The following AFAP1 variants were observed in gnomAD, a reference collection of about 807,000 sequenced individuals.
The protein encoded by AFAP1 is actin filament associated protein 1, also known as actin filament-associated protein 1.
In AFAP1, 75 loss-of-function variants were observed where a neutral mutation model predicts 93.9. The observed-to-expected ratio is 0.80, with a 90% CI of 0.66 to 0.97. The LOEUF is 0.97. Ranked by LOEUF, AFAP1 falls within the 50% of genes least tolerant of loss-of-function variation. The pLI is 0.00. For synonymous variants in AFAP1, 517 were observed against 430.7 expected, an observed-to-expected ratio of 1.20 and a Z score of -2.48; for missense variants, 1,201 against 1,050.8, an observed-to-expected ratio of 1.14 and a Z score of -1.98.
intron 1 of AFAP1, among the ~76,000 whole-genome samples, chr4:7,930,168 A>G (rs1043498901): frequency 2.0e-5 from 3 of 152,204 alleles, no homozygotes; most frequent in Non-Finnish European, 4.4e-5. Flanking sequence ...ATGGTTTATT[A>G]CAAAGAATAG....
intron 1 of AFAP1, among the ~76,000 whole-genome samples, chr4:7,884,585 G>C (rs1343648950): frequency 6.6e-6 from 1 of 152,092 alleles, no homozygotes; most frequent in Admixed American, 6.5e-5. Flanking sequence ...AGAAATATAA[G>C]AAAAATTGTC....
intron 4 of AFAP1, among the ~76,000 whole-genome samples, chr4:7,850,862 G>A (rs1714353533): frequency 6.6e-6 from 1 of 152,224 alleles, no homozygotes; most frequent in African/African-American, 2.4e-5. Context: ...TTGACCTCAT[G>A]GATTATCGTT....
intron 1 of AFAP1, among the ~76,000 whole-genome samples, chr4:7,921,643 C>A (rs537487457): frequency 6.6e-6 from 1 of 152,314 alleles, no homozygotes; most frequent in Admixed American, 6.5e-5. Context: ...ATTTAAAATG[C>A]GCAGAACCTT....
chr4:7,853,343 G>A (rs1714674826), intron 4 of AFAP1, among the ~76,000 whole-genome samples: 2 of 151,932 alleles, frequency 1.3e-5, no homozygotes, highest in African/African-American at 2.4e-5. Flanking sequence ...GATGATTCTG[G>A]GCTAGGGTGG....
At chr4:7,794,498 G>A (rs573469259) in intron 10 of AFAP1, among the ~76,000 whole-genome samples, 55 of 152,004 alleles carry the variant, frequency 3.6e-4, no homozygotes, top group African/African-American at 1.3e-3. Context: ...GATTATGTTC[G>A]TTCAATTTTT....
chr4:7,836,150 A>G (rs1419750990), intron 6 of AFAP1, among the ~76,000 whole-genome samples: 1 of 152,236 alleles, frequency 6.6e-6, no homozygotes, highest in Non-Finnish European at 1.5e-5. Flanking sequence ...AACACTGTAA[A>G]CTTCTCAGAA....
At chr4:7,894,550 G>T (rs539467171) in intron 1 of AFAP1, among the ~76,000 whole-genome samples, 1 of 152,170 alleles carries the variant, frequency 6.6e-6, no homozygotes, top group Non-Finnish European at 1.5e-5. Context: ...AGGCCAGCCC[G>T]CTTTGTGAAG....
At chr4:7,918,964 G>GCCAGAAGAGACAC (rs1560236323) in intron 1 of AFAP1, among the ~76,000 whole-genome samples, 191 of 142,124 alleles carry the variant, frequency 1.3e-3, no homozygotes, top group African/African-American at 2.2e-3. Context: ...AAACAGGGCT[G>GCCAGAAGAGACAC]TTGGAAGAGA....
chr4:7,787,006 G>A (rs368620622), intron 11 of AFAP1, among the ~76,000 whole-genome samples: 3 of 152,198 alleles, frequency 2.0e-5, no homozygotes, highest in Admixed American at 6.5e-5. Context: ...ACAGCGGCCC[G>A]AGAAATCCTT....
rs1577175417 is a variant in AFAP1, at chr4:7,768,842, A to C, written c.2418+2T>G. On this transcript the variant is annotated splice_donor_variant, in intron 17 of 17. Coordinates refer to ENST00000420658, the MANE Select transcript of AFAP1 (RefSeq NM_001134647.2). LOFTEE classifies it high-confidence loss of function. The stretch of plus-strand genomic sequence containing the variant: ...CAGACACCCCCGGACATCAGGGCTT[A>C]CCTTGGCCTTCCGCAGCACATGCCC... The C allele has an allele frequency of 1.3e-6, 2 of 1,590,742 alleles. No homozygotes were observed. Among genetic ancestry groups the C allele is most frequent in the Non-Finnish European group, 1.7e-6 (2 of 1,164,054 alleles).
In AFAP1 at chr4:7,853,366, T is replaced by A. The variant is rs566819580; in HGVS notation, c.334+2100A>T. On this transcript the variant is annotated intron_variant, in intron 4 of 17. Coordinates refer to ENST00000420658, the MANE Select transcript of AFAP1 (RefSeq NM_001134647.2). ...TGGGCTAGGGTGGCCCTGAGAGAAA[T>A]CTGGGAGTGATAGGGCAGAGGGGAG... 1.4e-4 allele frequency among the ~76,000 whole-genome samples: 22 copies of A among 152,180 alleles called. 1 individual carries two copies. Among genetic ancestry groups the A allele is most frequent in the Non-Finnish European group, 2.4e-4 (16 of 68,010 alleles).
At position 7,768,952 on chromosome 4, in the gene AFAP1, G is replaced by A. The variant is rs1715013603; in HGVS notation, c.2310C>T (p.Thr770=). ...LENSPISSCD[T]SDTEGPVPVN... The stretch of plus-strand genomic sequence containing the variant: ...CCGGCACGGGGCCCTCGGTGTCACT[G>A]GTGTCACAGCTGGAGATGGGCGAGT... The change falls in exon 17 of 18, where the codon ACC becomes ACT. Residue 770 remains threonine (T), a synonymous_variant. Transcript: ENST00000420658. 9.3e-6 allele frequency: 15 copies of A among 1,613,900 alleles called. No homozygotes were observed. The highest frequency in any genetic ancestry group is 2.2e-5 in the East Asian group (1 of 44,870).
intron 1 of AFAP1, among the ~76,000 whole-genome samples, chr4:7,898,553 G>C (rs1398181366): frequency 1.3e-5 from 2 of 151,690 alleles, no homozygotes; most frequent in African/African-American, 2.4e-5. Context: ...TGAAATGTTT[G>C]GGCAATCTGA....
chr4:7,928,628 C>T (rs1462826947), intron 1 of AFAP1, among the ~76,000 whole-genome samples: 4 of 152,190 alleles, frequency 2.6e-5, no homozygotes, highest in South Asian at 2.1e-4. Context: ...CCTCATGATT[C>T]GCCCACCTTG....
At chr4:7,819,934 A>T (rs1720816255) in intron 6 of AFAP1, among the ~76,000 whole-genome samples, 2 of 152,230 alleles carry the variant, frequency 1.3e-5, no homozygotes, top group Admixed American at 1.3e-4. Context: ...TACCTTCTGA[A>T]GGTTAAATGC....
chr4:7,836,074 A>AC (rs1712265356), intron 6 of AFAP1, among the ~76,000 whole-genome samples: 1 of 152,124 alleles, frequency 6.6e-6, no homozygotes, highest in African/African-American at 2.4e-5. Context: ...ATGAAGTTGG[A>AC]CCCCTACTTC....
chr4:7,819,315 C>T (rs1720761655), intron 6 of AFAP1, 144 bp from the exon 7 acceptor site: 1 of 645,518 alleles, frequency 1.5e-6, no homozygotes, highest in Admixed American at 3.5e-5. Context: ...TCCAGCGTGC[C>T]AGGTACTCAT....
rs1560149375 is a variant in AFAP1, at chr4:7,774,829, GCTC to G, written c.1969_1971del (p.Glu657del). 2 of 1,614,192 alleles carry G rather than the reference GCTC, an allele frequency of 1.2e-6. No individual in the cohort carries two copies. Among genetic ancestry groups the G allele is most frequent in the Non-Finnish European group, 1.7e-6 (2 of 1,180,046 alleles). ...CGCAGGGCCTCTTTCCTCTTCAGCA[GCTC>G]CTCCTCTTTGGTCTGTAGCCGCTTG... is the stretch of plus-strand genomic sequence containing the variant. On this transcript the variant is annotated inframe_deletion, in exon 15 of 18. Transcript: ENST00000420658.
intron 6 of AFAP1, among the ~76,000 whole-genome samples, chr4:7,822,590 T>TTTC (rs1721066990): frequency 1.1e-5 from 1 of 92,978 alleles, no homozygotes; most frequent in South Asian, 2.8e-4. Context: ...TTTTTTCTTT[T>TTTC]TTTTTTTTTT....
Sources: allele counts gnomAD v4.1 joint callset (sites outside exome capture counted in the v4.1 genomes callset), GRCh38; gene constraint gnomAD v4.1.1; transcripts MANE v1.5; gene names NCBI Gene and HGNC (gene_info 2026-07-23, HGNC 2026-07-21).